TACR1: variants seen among roughly 807,000 people sequenced by gnomAD.
The protein encoded by TACR1 is substance-P receptor.
A neutral mutation model predicts 35.8 loss-of-function variants in TACR1; 25 were observed. The ratio of observed to expected loss-of-function variants is 0.70; its 90% CI spans 0.51 to 0.98. TACR1 has a LOEUF of 0.98. Ranked by LOEUF, TACR1 falls within the 50% of genes least tolerant of loss-of-function variation. The pLI is 0.00. For missense variants in TACR1, 478 were observed against 522.9 expected, an observed-to-expected ratio of 0.91 and a Z score of 0.84; for synonymous variants, 195 against 206.7, an observed-to-expected ratio of 0.94 and a Z score of 0.48.
intron 1 of TACR1, among the ~76,000 whole-genome samples, chr2:75,186,117 T>C (rs529920326): frequency 6.6e-6 from 1 of 152,264 alleles, no homozygotes; most frequent in African/African-American, 2.4e-5. Flanking sequence ...CTCACGCCTG[T>C]AATCCCAGCA....
intron 2 of TACR1, among the ~76,000 whole-genome samples, chr2:75,109,572 AGT>A (rs1398658097): frequency 6.6e-6 from 1 of 152,222 alleles, no homozygotes; most frequent in Non-Finnish European, 1.5e-5. Flanking sequence ...GGAAATTCAA[AGT>A]AATTCCATAT....
chr2:75,139,181 A>G (rs1353666746), intron 1 of TACR1, among the ~76,000 whole-genome samples: 1 of 152,206 alleles, frequency 6.6e-6, no homozygotes, highest in African/African-American at 2.4e-5. Context: ...GGGGCTGTCC[A>G]GGTATCATGT....
chr2:75,052,662 AAAG>A (rs1431150251), intron 3 of TACR1, among the ~76,000 whole-genome samples: 1 of 152,194 alleles, frequency 6.6e-6, no homozygotes, highest in Non-Finnish European at 1.5e-5. Context: ...TTTGTGTAAA[AAAG>A]AAGAGAAAAT....
chr2:75,081,919 A>G (rs1438036627), intron 2 of TACR1, among the ~76,000 whole-genome samples: 1 of 149,532 alleles, frequency 6.7e-6, no homozygotes, highest in South Asian at 2.1e-4. Flanking sequence ...TTTTAAATAT[A>G]TATATGTATT....
intron 1 of TACR1, among the ~76,000 whole-genome samples, chr2:75,141,348 C>G (rs1031212407): frequency 1.8e-4 from 27 of 152,262 alleles, no homozygotes; most frequent in African/African-American, 6.3e-4. Context: ...TGTTGCCTCT[C>G]CAAGATAAAA....
intron 2 of TACR1, among the ~76,000 whole-genome samples, chr2:75,079,500 G>A (rs1485540900): frequency 6.6e-6 from 1 of 152,188 alleles, no homozygotes; most frequent in Non-Finnish European, 1.5e-5. Context: ...ACCATGCCCA[G>A]TCTGTCTTTC....
chr2:75,121,503 A>T (rs1018656461), intron 1 of TACR1, among the ~76,000 whole-genome samples: 1 of 152,236 alleles, frequency 6.6e-6, no homozygotes, highest in African/African-American at 2.4e-5. Flanking sequence ...CCATTCCTCC[A>T]TCGCTTCATT....
chr2:75,147,746 C>CT (rs36067244), intron 1 of TACR1, among the ~76,000 whole-genome samples: 7,763 of 144,952 alleles, frequency 0.054, 517 homozygotes, highest in African/African-American at 0.16. Context: ...GATCTCATTC[C>CT]TTTTTTTTTT....
intron 2 of TACR1, among the ~76,000 whole-genome samples, chr2:75,091,580 T>C (rs1194382355): frequency 6.6e-6 from 1 of 152,168 alleles, no homozygotes; most frequent in African/African-American, 2.4e-5. Context: ...AGTGAGTCTG[T>C]TATTGCAACA....
intron 1 of TACR1, among the ~76,000 whole-genome samples, chr2:75,182,491 C>T (rs962955733): frequency 6.6e-6 from 1 of 152,204 alleles, no homozygotes; most frequent in Admixed American, 6.5e-5. Flanking sequence ...CATATACAGC[C>T]ATGCGCCACA....
intron 1 of TACR1, among the ~76,000 whole-genome samples, chr2:75,180,213 G>C (rs1675530177): frequency 6.6e-6 from 1 of 151,988 alleles, no homozygotes; most frequent in South Asian, 2.1e-4. Context: ...ACCCTTGTCG[G>C]TACTCAAAAT....
At chr2:75,154,410 G>GCGCGCGCGCGCGCGCGCGCGCA (rs1166779798) in intron 1 of TACR1, 7 of 75,364 alleles carry the variant, frequency 9.3e-5, no homozygotes, top group African/African-American at 2.0e-4. Context: ...GAGCGCGCAC[G>GCGCGCGCGCGCGCGCGCGCGCA]CACACACACA....
chr2:75,152,559 G>T (rs1311524393), intron 1 of TACR1, among the ~76,000 whole-genome samples: 2 of 152,168 alleles, frequency 1.3e-5, no homozygotes, highest in Non-Finnish European at 2.9e-5. Context: ...CCCAGTCTCA[G>T]TTATGTCTTT....
chr2:75,142,223 C>T lies in TACR1; in HGVS notation c.390-21455G>A, dbSNP rs543119640. On this transcript the variant is annotated intron_variant, in intron 1 of 4. Transcript: ENST00000305249. ...CCACTAAGTCCATTTAAGGTGTCGG[C>T]TCACACTTTCTGAGTGTTCCATTTT... Among the ~76,000 whole-genome samples the T allele has an allele frequency of 2.0e-5, 3 of 152,294 alleles. No individual in the cohort carries two copies. In the East Asian group the frequency reaches 5.8e-4, roughly 29 times the overall value.
At chr2:75,193,867 T>A (rs1675906340) in intron 1 of TACR1, among the ~76,000 whole-genome samples, 1 of 152,192 alleles carries the variant, frequency 6.6e-6, no homozygotes, top group African/African-American at 2.4e-5. Flanking sequence ...TTTGCCTTCA[T>A]ATATAGCCCT....
intron 2 of TACR1, among the ~76,000 whole-genome samples, chr2:75,078,277 T>C (rs1278580067): frequency 1.3e-5 from 2 of 149,792 alleles, no homozygotes; most frequent in East Asian, 1.9e-4. Context: ...ACTTGGAGTT[T>C]TGCATGTTTT....
intron 1 of TACR1, among the ~76,000 whole-genome samples, chr2:75,196,585 C>G (rs12104635): frequency 2.6e-5 from 4 of 152,110 alleles, no homozygotes; most frequent in African/African-American, 9.7e-5. Flanking sequence ...GGTGGTTTAC[C>G]TAGAGAAAAA....
chr2:75,057,951 G>A (rs1672600330), intron 2 of TACR1, among the ~76,000 whole-genome samples: 1 of 152,166 alleles, frequency 6.6e-6, no homozygotes, highest in Non-Finnish European at 1.5e-5. Context: ...CAGCTAAGCT[G>A]GCATTCTAGG....
intron 2 of TACR1, among the ~76,000 whole-genome samples, chr2:75,091,276 G>A (rs899451122): frequency 1.3e-5 from 2 of 150,558 alleles, no homozygotes; most frequent in African/African-American, 2.4e-5. Flanking sequence ...TGGTGAACTC[G>A]GGAAATTACT....
Sources: gnomAD v4.1 joint callset for allele counts (sites outside exome capture counted in the v4.1 genomes callset) on GRCh38, gnomAD v4.1.1 for gene constraint, MANE v1.5 for transcripts, NCBI Gene and HGNC (gene_info 2026-07-23, HGNC 2026-07-21) for gene names.